The following CAVIN4 variants were observed in gnomAD, a reference collection of about 807,000 sequenced individuals.
CAVIN4 encodes caveolae associated protein 4, also known as caveolae-associated protein 4.
A neutral mutation model predicts 18.6 loss-of-function variants in CAVIN4; 10 were observed. That is an observed-to-expected ratio of 0.54 (90% CI 0.33 to 0.91). CAVIN4 has a LOEUF of 0.91. CAVIN4 is among the 40% of genes least tolerant of loss of function. CAVIN4 has a pLI of 0.02. For synonymous variants in CAVIN4, 173 were observed against 164.8 expected, an observed-to-expected ratio of 1.05 and a Z score of -0.38; for missense variants, 459 against 440.5, an observed-to-expected ratio of 1.04 and a Z score of -0.38.
chr9:100,579,866 A>G (rs2118602473), intron 1 of CAVIN4, among the ~76,000 whole-genome samples: 1 of 152,334 alleles, frequency 6.6e-6, no homozygotes, highest in African/African-American at 2.4e-5. Context: ...ACATTAGGCA[A>G]TTCTCCATAG....
chr9:100,585,833 GGAT>G lies in CAVIN4; in HGVS notation c.487_489del (p.Asp163del). The G allele has an allele frequency of 4.3e-6, 7 of 1,614,142 alleles. No homozygotes were observed. In the South Asian group the frequency reaches 4.4e-5, roughly 10 times the overall value. ...GAAACCTAACTGAGAACCAAGAAGA[GGAT>G]GATGATGATATCTTTGATCCCCCAG... On this transcript the variant is annotated inframe_deletion, in exon 2 of 2. Coordinates refer to ENST00000307584, the MANE Select transcript of CAVIN4 (RefSeq NM_001018116.2).
At position 100,584,343 on chromosome 9, in the gene CAVIN4, C is replaced by A. The variant is rs980836445; in HGVS notation, c.409-1422C>A. ...TTTCACTCTTTTGTCTTCAAAGAAG[C>A]TTCACAGTTTCTAGAACCAGAAAAT... On this transcript the variant is annotated intron_variant, in intron 1 of 1. Coordinates refer to ENST00000307584, the MANE Select transcript of CAVIN4 (RefSeq NM_001018116.2). Among the ~76,000 whole-genome samples, 13 of 152,298 alleles carry A rather than the reference C, an allele frequency of 8.5e-5. No individual in the cohort carries two copies. The South Asian group carries it at 2.3e-3, about 27-fold the overall frequency.
upstream of CAVIN4, chr9:100,577,569 A>G (rs1017631033): frequency 2.0e-5 from 3 of 152,288 alleles, no homozygotes; most frequent in African/African-American, 7.2e-5. Flanking sequence ...TTTAAAGAAT[A>G]TGTTAAAAAT....
intron 1 of CAVIN4, 103 bp from the exon 2 acceptor site, chr9:100,585,662 G>T: frequency 1.1e-6 from 1 of 884,068 alleles, no homozygotes; most frequent in Non-Finnish European, 1.8e-6. Context: ...GCAGGCAGAG[G>T]ATAAACAGCC....
intron 1 of CAVIN4, among the ~76,000 whole-genome samples, chr9:100,583,358 C>G (rs968171081): frequency 2.0e-5 from 3 of 152,156 alleles, no homozygotes; most frequent in Non-Finnish European, 4.4e-5. Context: ...AGGCCATGTA[C>G]TTGAGGATTG....
At position 100,586,812 on chromosome 9, in the gene CAVIN4, T is replaced by G. The variant is rs571065378; in HGVS notation, c.*361T>G. On this transcript the variant is annotated 3_prime_UTR_variant, in exon 2 of 2. Coordinates refer to ENST00000307584, the MANE Select transcript of CAVIN4 (RefSeq NM_001018116.2). ...TGTGTGGGTTATATCGTCCAGATGT[T>G]CAGATCAACAGATTTGTTAGTAAAT... 56 of 161,030 alleles carry G rather than the reference T, an allele frequency of 3.5e-4. No homozygotes were observed. The South Asian group carries it at 0.01, about 30-fold the overall frequency. The allele number at this position is 161,030 out of a possible 1,614,324, so 10.0% of individuals were successfully genotyped here.
intron 1 of CAVIN4, among the ~76,000 whole-genome samples, chr9:100,583,610 G>A (rs1265534361): frequency 6.8e-6 from 1 of 147,586 alleles, no homozygotes; most frequent in African/African-American, 2.5e-5. Flanking sequence ...TCTCCTGCAA[G>A]CCATTTATTC....
intron 1 of CAVIN4, among the ~76,000 whole-genome samples, chr9:100,585,151 C>T (rs964939160): frequency 5.3e-5 from 8 of 152,018 alleles, no homozygotes; most frequent in Non-Finnish European, 1.0e-4. Flanking sequence ...GGAGGCATTG[C>T]GCAAGTTCAG....
At chr9:100,585,206 T>C (rs1245477865) in intron 1 of CAVIN4, among the ~76,000 whole-genome samples, 1 of 152,030 alleles carries the variant, frequency 6.6e-6, no homozygotes, top group Non-Finnish European at 1.5e-5. Flanking sequence ...GTAGAGGGAA[T>C]GAAGAAGGAG....
chr9:100,578,733 T>A (rs1037685895), intron 1 of CAVIN4, among the ~76,000 whole-genome samples, 182 bp downstream of exon 1: 5 of 152,202 alleles, frequency 3.3e-5, no homozygotes, highest in Admixed American at 6.5e-5. Flanking sequence ...GTACTATCTG[T>A]CATTTCGGTA....
In CAVIN4 at chr9:100,578,732, G is replaced by A. The variant is rs1226588; in HGVS notation, c.408+181G>A. On this transcript the variant is annotated intron_variant, in intron 1 of 1. Coordinates refer to ENST00000307584, the MANE Select transcript of CAVIN4 (RefSeq NM_001018116.2). ...TTCTCTGTTAACCAAAGTACTATCT[G>A]TCATTTCGGTATTTTGAGCTTCTCA... is the stretch of plus-strand genomic sequence containing the variant. Among the ~76,000 whole-genome samples, 84,623 of 151,932 alleles carry A rather than the reference G, an allele frequency of 0.56. 24,154 individuals carry two copies. Among genetic ancestry groups the A allele is most frequent in the South Asian group, 0.63 (3,019 of 4,814 alleles).
intron 1 of CAVIN4, among the ~76,000 whole-genome samples, chr9:100,583,178 C>T (rs536956692): frequency 6.6e-6 from 1 of 152,166 alleles, no homozygotes; most frequent in Non-Finnish European, 1.5e-5. Context: ...GCCCAGCCCT[C>T]TCTTCTGAAT....
intron 1 of CAVIN4, among the ~76,000 whole-genome samples, chr9:100,581,787 G>A (rs1195838479): frequency 1.3e-5 from 2 of 152,006 alleles, no homozygotes; most frequent in Non-Finnish European, 2.9e-5. Context: ...TGGCTCTTTC[G>A]TTTTCTAATT....
At chr9:100,581,490 A>G (rs906194692) in intron 1 of CAVIN4, 1 of 152,246 alleles carries the variant, frequency 6.6e-6, no homozygotes, top group Non-Finnish European at 1.5e-5. Flanking sequence ...AAAAGATACA[A>G]TTATATTTGG....
At chr9:100,580,132 T>C (rs1839412965) in intron 1 of CAVIN4, among the ~76,000 whole-genome samples, 1 of 150,798 alleles carries the variant, frequency 6.6e-6, no homozygotes, top group South Asian at 2.1e-4. Context: ...ACCCTGTCTC[T>C]ACAAAAATAG....
At chr9:100,585,597 A>G (rs1408416876) in intron 1 of CAVIN4, among the ~76,000 whole-genome samples, 168 bp from the exon 2 acceptor site, 1 of 152,190 alleles carries the variant, frequency 6.6e-6, no homozygotes, top group African/African-American at 2.4e-5. Flanking sequence ...TGGGAGATGA[A>G]GAAGAGGAAA....
rs1427665053 is a variant in CAVIN4 at position 100,586,512 on chromosome 9, T to C, written c.*61T>C. 3 of 1,348,426 alleles carry C rather than the reference T, an allele frequency of 2.2e-6. No homozygotes were observed. Among genetic ancestry groups the C allele is most frequent in the Non-Finnish European group, 3.1e-6 (3 of 955,274 alleles). 83.5% of individuals were successfully genotyped at this position (1,348,426 alleles called of 1,614,324 possible). A position where few individuals can be genotyped will look rare whatever the true frequency, so the allele number is the denominator to read the frequency against. ...AATCATGCAGTTTTAGTTTGAATAG[T>C]GTAGTCGTCTACATTTCTGTGCCAT... is the stretch of plus-strand genomic sequence containing the variant. On this transcript the variant is annotated 3_prime_UTR_variant, in exon 2 of 2. Coordinates refer to ENST00000307584, the MANE Select transcript of CAVIN4 (RefSeq NM_001018116.2).
intron 1 of CAVIN4, among the ~76,000 whole-genome samples, chr9:100,581,558 T>A (rs1331924793): frequency 6.6e-6 from 1 of 152,242 alleles, no homozygotes; most frequent in African/African-American, 2.4e-5. Flanking sequence ...CTATTCACCA[T>A]TAGCTCATGA....
chr9:100,581,694 G>T lies in CAVIN4; in HGVS notation c.408+3143G>T, dbSNP rs181970910. On this transcript the variant is annotated intron_variant, in intron 1 of 1. Coordinates refer to ENST00000307584, the MANE Select transcript of CAVIN4 (RefSeq NM_001018116.2). ...TTATTTGTTGTGTACTTAAAGGAGG[G>T]TATGTGATTCCTGGGCTAAGCTATA... Among the ~76,000 whole-genome samples the T allele has an allele frequency of 3.9e-3, 597 of 152,300 alleles. 3 individuals are homozygous for T. The highest frequency in any genetic ancestry group is 0.024 in the Middle Eastern group (7 of 294).
Sources: gnomAD v4.1 joint callset for allele counts (sites outside exome capture counted in the v4.1 genomes callset) on GRCh38, gnomAD v4.1.1 for gene constraint, MANE v1.5 for transcripts, NCBI Gene and HGNC (gene_info 2026-07-23, HGNC 2026-07-21) for gene names.